PBX2: variants seen among roughly 807,000 people sequenced by gnomAD.
PBX2 encodes pre-B-cell leukemia transcription factor 2.
In PBX2, 10 loss-of-function variants were observed where a neutral mutation model predicts 46.5. The ratio of observed to expected loss-of-function variants is 0.21; its 90% CI spans 0.13 to 0.36. The LOEUF (loss-of-function observed/expected upper bound fraction) is 0.36, where lower values mean the gene tolerates loss of function less well. Ranked by LOEUF, PBX2 falls within the 10% of genes least tolerant of loss-of-function variation. PBX2 has a pLI of 1.00. For missense variants in PBX2, 392 were observed against 580.5 expected, an observed-to-expected ratio of 0.68 and a Z score of 3.34; for synonymous variants, 160 against 222.5, an observed-to-expected ratio of 0.72 and a Z score of 2.50.
In PBX2 at chr6:32,189,178, G is replaced by T. The variant is rs1469084514; in HGVS notation, c.222-382C>A. 2 of 366,686 alleles carry T rather than the reference G, an allele frequency of 5.5e-6. No homozygotes were observed. The highest frequency in any genetic ancestry group is 1.0e-5 in the Non-Finnish European group (2 of 195,600). 22.7% of individuals were successfully genotyped at this position (366,686 alleles called of 1,614,324 possible). A position where few individuals can be genotyped will look rare whatever the true frequency, so the allele number is the denominator to read the frequency against. The stretch of plus-strand genomic sequence containing the variant: ...AGTTTGAGGTGGCAGAGTGGGGCTG[G>T]GGGTGCCGAGCTAACTGGGGAGATC... On this transcript the variant is annotated intron_variant, in intron 1 of 8. Transcript: ENST00000375050. The surrounding 1 kb of genome is among the most constrained non-coding windows in gnomAD (Gnocchi z 4.7).
Position 32,189,614 on chromosome 6 carries a change from T to TGG in PBX2, c.221+79_221+80dup, listed in dbSNP as rs140151581. ...TGGATCCTGGAGAGGGCCCTGGAGT[T>TGG]GGGGGGGGCTCCCAGAAGATTCAGA... On this transcript the variant is annotated intron_variant, in intron 1 of 8. Coordinates refer to ENST00000375050, the MANE Select transcript of PBX2 (RefSeq NM_002586.5). The surrounding 1 kb of genome is among the most constrained non-coding windows in gnomAD (Gnocchi z 4.7). 688 of 1,034,364 alleles carry TGG rather than the reference T, an allele frequency of 6.7e-4. 2 individuals are homozygous for TGG. In the Middle Eastern group the frequency reaches 6.7e-3, roughly 10 times the overall value. 64.1% of individuals were successfully genotyped at this position (1,034,364 alleles called of 1,614,324 possible).
chr6:32,186,236 C>G lies in PBX2; in HGVS notation c.*146G>C. 2 of 634,352 alleles carry G rather than the reference C, an allele frequency of 3.2e-6. No individual in the cohort carries two copies. Among genetic ancestry groups the G allele is most frequent in the Non-Finnish European group, 2.9e-6 (1 of 348,228 alleles). 39.3% of individuals were successfully genotyped at this position (634,352 alleles called of 1,614,324 possible). On this transcript the variant is annotated 3_prime_UTR_variant, in exon 9 of 9. Coordinates refer to ENST00000375050, the MANE Select transcript of PBX2 (RefSeq NM_002586.5). This position sits in a 1 kb window ranked among gnomAD's most constrained non-coding sequence, Gnocchi z 4.2. ...TGCCATGTAATTAGCACCCCCAGCA[C>G]AGAGAGTCTCGTTAGGGAGGGGATG...
rs1318949317 is a variant in PBX2 at position 32,190,179 on chromosome 6, T to TGA, written c.-266_-265dup. Reference sequence around the variant, plus strand: ...GAGGAGGCCCAAGCGGGGGTGTGTGTGAGAGAGAGGGAGGAGGGAGGAGGG... The same window carrying TGA: ...GAGGAGGCCCAAGCGGGGGTGTGTGTGAGAGAGAGAGGGAGGAGGGAGGAGGG... On this transcript the variant is annotated 5_prime_UTR_variant, in exon 1 of 9. Coordinates refer to ENST00000375050, the MANE Select transcript of PBX2 (RefSeq NM_002586.5). The TGA allele has an allele frequency of 7.9e-5, 22 of 279,156 alleles. No individual in the cohort carries two copies. The highest frequency in any genetic ancestry group is 1.8e-4 in the African/African-American group (7 of 39,900). 17.3% of individuals were successfully genotyped at this position (279,156 alleles called of 1,614,324 possible).
At position 32,189,800 on chromosome 6, in the gene PBX2, C is replaced by G. The variant is rs747385116; in HGVS notation, c.116G>C (p.Gly39Ala). The G allele has an allele frequency of 1.5e-5, 24 of 1,599,204 alleles. No homozygotes were observed. Among genetic ancestry groups the G allele is most frequent in the South Asian group, 1.3e-4 (12 of 89,888 alleles). The change falls in exon 1 of 9, where the codon GGG becomes GCG. Residue 39 changes from glycine to alanine, a missense_variant. This residue lies in a region of PBX2 where 196 missense variants were observed against 246.9 expected (regional missense o/e 0.79). Transcript: ENST00000375050. The surrounding 1 kb of genome is among the most constrained non-coding windows in gnomAD (Gnocchi z 4.7). ...GEPPGGGDPG[G>A]GSGGVPGGRG... ...GCCTCCCGGGACCCCCCCGCTACCC[C>G]CACCGGGGTCTCCGCCACCGGGAGG...
chr6:32,189,227 C>T lies in PBX2; in HGVS notation c.222-431G>A, dbSNP rs1285355022. ...TCAGTGTAGGGTGTGTGAAGGGGTC[C>T]TGGGGCTGAGCAGGTGGGAGGCTTT... On this transcript the variant is annotated intron_variant, in intron 1 of 8. Coordinates refer to ENST00000375050, the MANE Select transcript of PBX2 (RefSeq NM_002586.5). This position sits in a 1 kb window ranked among gnomAD's most constrained non-coding sequence, Gnocchi z 4.7. The T allele has an allele frequency of 3.5e-6, 1 of 283,014 alleles. No individual in the cohort carries two copies. The highest frequency in any genetic ancestry group is 5.6e-5 in the South Asian group (1 of 17,918). The allele number at this position is 283,014 out of a possible 1,614,324, so 17.5% of individuals were successfully genotyped here. A position where few individuals can be genotyped will look rare whatever the true frequency, so the allele number is the denominator to read the frequency against.
chr6:32,187,138 C>T lies in PBX2; in HGVS notation c.1024+104G>A. ...CAGCCTATCTCAGCTCGGTCCCTCT[C>T]ACCCCAAAAGGCCCCCTCTCTGCTA... is the stretch of plus-strand genomic sequence containing the variant. On this transcript the variant is annotated intron_variant, in intron 6 of 8. Coordinates refer to ENST00000375050, the MANE Select transcript of PBX2 (RefSeq NM_002586.5). This position sits in a 1 kb window ranked among gnomAD's most constrained non-coding sequence, Gnocchi z 7.7. 1 of 1,429,744 alleles carries T rather than the reference C, an allele frequency of 7.0e-7. No homozygotes were observed. The highest frequency in any genetic ancestry group is 9.6e-7 in the Non-Finnish European group (1 of 1,037,554). 88.6% of individuals were successfully genotyped at this position (1,429,744 alleles called of 1,614,324 possible). A position where few individuals can be genotyped will look rare whatever the true frequency, so the allele number is the denominator to read the frequency against.
Position 32,186,158 on chromosome 6 carries a change from T to A in PBX2, c.*224A>T. 1.8e-6 allele frequency: 1 copy of A among 569,970 alleles called. No individual in the cohort carries two copies. The highest frequency in any genetic ancestry group is 4.7e-4 in the Middle Eastern group (1 of 2,148). The allele number at this position is 569,970 out of a possible 1,614,324, so 35.3% of individuals were successfully genotyped here. A position where few individuals can be genotyped will look rare whatever the true frequency, so the allele number is the denominator to read the frequency against. On this transcript the variant is annotated 3_prime_UTR_variant, in exon 9 of 9. Coordinates refer to ENST00000375050, the MANE Select transcript of PBX2 (RefSeq NM_002586.5). This position sits in a 1 kb window ranked among gnomAD's most constrained non-coding sequence, Gnocchi z 4.2. Reference sequence around the variant, plus strand: ...GAAAGAAAGCGAGAGAGGAAAAAGATGGAAAAAAGGGAGAGACAGACCCCA... The same window carrying A: ...GAAAGAAAGCGAGAGAGGAAAAAGAAGGAAAAAAGGGAGAGACAGACCCCA...
chr6:32,187,706 A>G lies in PBX2; in HGVS notation c.811T>C (p.Tyr271His), dbSNP rs757399839. 6.2e-7 allele frequency: 1 copy of G among 1,609,816 alleles called. No homozygotes were observed. The highest frequency in any genetic ancestry group is 8.5e-7 in the Non-Finnish European group (1 of 1,178,578). Residue 271 changes from tyrosine to histidine, a missense_variant, in exon 5 of 9, where the codon TAT (tyrosine) becomes CAT (histidine). Around this residue, in one of 3 missense-constraint regions of PBX2, gnomAD observed 80 missense variants for 175.7 expected, o/e 0.46. Transcript: ENST00000375050. This position sits in a 1 kb window ranked among gnomAD's most constrained non-coding sequence, Gnocchi z 7.7. ...TCCTCCTTGGCCTCCTCACTAGGAT[A>G]TGGGTTACTCAGGTGGGAGTAGAAA... Reference protein sequence around the residue: ...EYFYSHLSNPYPSEEAKEELA... With the variant: ...EYFYSHLSNPHPSEEAKEELA...
Position 32,186,549 on chromosome 6 carries a change from A to G in PBX2, c.1200+55T>C, listed in dbSNP as rs1787151360. 4 of 1,566,558 alleles carry G rather than the reference A, an allele frequency of 2.6e-6. No individual in the cohort carries two copies. In the East Asian group the frequency reaches 9.0e-5, roughly 35 times the overall value. On this transcript the variant is annotated intron_variant, in intron 8 of 8. Transcript: ENST00000375050. The surrounding 1 kb of genome is among the most constrained non-coding windows in gnomAD (Gnocchi z 4.2). ...GTGTGGGCACAACATTACTAGGGAA[A>G]ATGCCCCTCTGTCCTGTGAGAACTG...
In PBX2 at chr6:32,189,152, G is replaced by C. The variant is rs143650351; in HGVS notation, c.222-356C>G. 368 of 402,432 alleles carry C rather than the reference G, an allele frequency of 9.1e-4. 6 individuals carry two copies. In the Admixed American group the frequency reaches 0.011, roughly 12 times the overall value. The allele number at this position is 402,432 out of a possible 1,614,324, so 24.9% of individuals were successfully genotyped here. ...CAGAGGCTGGGGTTGAGAAGAGTCA[G>C]AGTTTGAGGTGGCAGAGTGGGGCTG... is the stretch of plus-strand genomic sequence containing the variant. On this transcript the variant is annotated intron_variant, in intron 1 of 8. Coordinates refer to ENST00000375050, the MANE Select transcript of PBX2 (RefSeq NM_002586.5). This position sits in a 1 kb window ranked among gnomAD's most constrained non-coding sequence, Gnocchi z 4.7.
rs986235471 is a variant in PBX2, at chr6:32,187,303, G to A, written c.963C>T (p.Ala321=). 6 of 1,612,918 alleles carry A rather than the reference G, an allele frequency of 3.7e-6. No individual in the cohort carries two copies. The African/African-American group carries it at 6.7e-5, about 18-fold the overall frequency. Reference sequence around the variant, plus strand: ...TGTGGCCCCCCTGGGTGACTGACACGGCGGTCTTGACAGCATAGATGTTTG... The same window carrying A: ...TGTGGCCCCCCTGGGTGACTGACACAGCGGTCTTGACAGCATAGATGTTTG... ...EEANIYAVKT[A]VSVTQGGHSR... is the part of the protein sequence containing the mutation. Residue 321 remains alanine (A), a synonymous_variant, in exon 6 of 9, where the codon GCC becomes GCT. Transcript: ENST00000375050. The surrounding 1 kb of genome is among the most constrained non-coding windows in gnomAD (Gnocchi z 7.7).
At position 32,187,204 on chromosome 6, in the gene PBX2, T is replaced by C; in HGVS notation, c.1024+38A>G. Reference sequence around the variant, plus strand: ...AGGAAGTGGGAACAAAAGCAGGAAGTGTGCAAAACAGTCAGCCGGGGTGAC... The same window carrying C: ...AGGAAGTGGGAACAAAAGCAGGAAGCGTGCAAAACAGTCAGCCGGGGTGAC... On this transcript the variant is annotated intron_variant, in intron 6 of 8. Coordinates refer to ENST00000375050, the MANE Select transcript of PBX2 (RefSeq NM_002586.5). The surrounding 1 kb of genome is among the most constrained non-coding windows in gnomAD (Gnocchi z 7.7). 1 of 1,610,564 alleles carries C rather than the reference T, an allele frequency of 6.2e-7. No homozygotes were observed. Among genetic ancestry groups the C allele is most frequent in the South Asian group, 1.1e-5 (1 of 90,980 alleles).
chr6:32,186,247 G>C lies in PBX2; in HGVS notation c.*135C>G, dbSNP rs998. ...TAGCACCCCCAGCACAGAGAGTCTCGTTAGGGAGGGGATGACCCCATTGGC... is the reference window on the plus strand; with the variant it reads ...TAGCACCCCCAGCACAGAGAGTCTCCTTAGGGAGGGGATGACCCCATTGGC... On this transcript the variant is annotated 3_prime_UTR_variant, in exon 9 of 9. Coordinates refer to ENST00000375050, the MANE Select transcript of PBX2 (RefSeq NM_002586.5). This position sits in a 1 kb window ranked among gnomAD's most constrained non-coding sequence, Gnocchi z 4.2. 4.6e-6 allele frequency: 3 copies of C among 648,626 alleles called. No individual in the cohort carries two copies. Among genetic ancestry groups the C allele is most frequent in the Non-Finnish European group, 2.8e-6 (1 of 357,774 alleles). 40.2% of individuals were successfully genotyped at this position (648,626 alleles called of 1,614,324 possible).
chr6:32,187,188 G>A lies in PBX2; in HGVS notation c.1024+54C>T. 1 of 1,605,036 alleles carries A rather than the reference G, an allele frequency of 6.2e-7. No homozygotes were observed. The highest frequency in any genetic ancestry group is 8.5e-7 in the Non-Finnish European group (1 of 1,174,632). On this transcript the variant is annotated intron_variant, in intron 6 of 8. Coordinates refer to ENST00000375050, the MANE Select transcript of PBX2 (RefSeq NM_002586.5). The surrounding 1 kb of genome is among the most constrained non-coding windows in gnomAD (Gnocchi z 7.7). ...ATGATCCTGCCTAGATAGGAAGTGGGAACAAAAGCAGGAAGTGTGCAAAAC... is the reference window on the plus strand; with the variant it reads ...ATGATCCTGCCTAGATAGGAAGTGGAAACAAAAGCAGGAAGTGTGCAAAAC...
At position 32,188,227 on chromosome 6, in the gene PBX2, C is replaced by T. The variant is rs369915888; in HGVS notation, c.543+30G>A. 47 of 1,608,876 alleles carry T rather than the reference C, an allele frequency of 2.9e-5. 1 individual carries two copies. In the African/African-American group the frequency reaches 5.9e-4, roughly 20 times the overall value. ...TGGGATTCCCCTGCAAGAGCCCTTC[C>T]CTCCACCCACCCAAGCCTCCTCTCC... On this transcript the variant is annotated intron_variant, in intron 3 of 8. Transcript: ENST00000375050. The surrounding 1 kb of genome is among the most constrained non-coding windows in gnomAD (Gnocchi z 6.5).
Position 32,186,376 on chromosome 6 carries a change from G to A in PBX2, c.*6C>T. ...GCCCCCACCCCTGTGACCCTGAGGG[G>A]CAAGATCAGTTGGAGGTATCAGAGT... is the stretch of plus-strand genomic sequence containing the variant. On this transcript the variant is annotated 3_prime_UTR_variant, in exon 9 of 9. Transcript: ENST00000375050. The surrounding 1 kb of genome is among the most constrained non-coding windows in gnomAD (Gnocchi z 4.2). The A allele has an allele frequency of 6.3e-7, 1 of 1,587,266 alleles. No individual in the cohort carries two copies.
rs1157302271 is a variant in PBX2 at position 32,186,217 on chromosome 6, G to A, written c.*165C>T. ...TTAGAGGCCCCATTCTTCCTGCCAT[G>A]TAATTAGCACCCCCAGCACAGAGAG... On this transcript the variant is annotated 3_prime_UTR_variant, in exon 9 of 9. Coordinates refer to ENST00000375050, the MANE Select transcript of PBX2 (RefSeq NM_002586.5). The surrounding 1 kb of genome is among the most constrained non-coding windows in gnomAD (Gnocchi z 4.2). The A allele has an allele frequency of 1.6e-6, 1 of 609,224 alleles. No individual in the cohort carries two copies. The highest frequency in any genetic ancestry group is 1.9e-5 in the African/African-American group (1 of 53,974). The allele number at this position is 609,224 out of a possible 1,614,324, so 37.7% of individuals were successfully genotyped here.
chr6:32,186,741 G>A lies in PBX2; in HGVS notation c.1114-51C>T, dbSNP rs762212942. 4.2e-5 allele frequency: 67 copies of A among 1,596,332 alleles called. No individual in the cohort carries two copies. The highest frequency in any genetic ancestry group is 5.4e-5 in the Non-Finnish European group (63 of 1,163,772). On this transcript the variant is annotated intron_variant, in intron 7 of 8. Coordinates refer to ENST00000375050, the MANE Select transcript of PBX2 (RefSeq NM_002586.5). The surrounding 1 kb of genome is among the most constrained non-coding windows in gnomAD (Gnocchi z 4.2). ...CAGTGAAGAGAAGCCTCAGAGGAAA[G>A]AGGTCTTGTATCCTAAAGTAGAGGA...
chr6:32,187,489 T>A lies in PBX2; in HGVS notation c.871-94A>T. ...GTGACAGCATTTTTTTTTTTTTTGC[T>A]TCCTGGTCTCACTATGCTGTTGCCC... On this transcript the variant is annotated intron_variant, in intron 5 of 8. Transcript: ENST00000375050. This position sits in a 1 kb window ranked among gnomAD's most constrained non-coding sequence, Gnocchi z 7.7. 6.9e-7 allele frequency: 1 copy of A among 1,456,582 alleles called. No individual in the cohort carries two copies. Among genetic ancestry groups the A allele is most frequent in the South Asian group, 1.3e-5 (1 of 77,698 alleles). The allele number at this position is 1,456,582 out of a possible 1,614,324, so 90.2% of individuals were successfully genotyped here.
Sources: gnomAD v4.1 joint callset for allele counts on GRCh38, gnomAD v4.1.1 for gene constraint, gnomAD v4.1.1 regional missense constraint, Gnocchi (gnomAD v3.1) non-coding constraint, MANE v1.5 for transcripts, NCBI Gene and HGNC (gene_info 2026-07-23, HGNC 2026-07-21) for gene names.